The following ZNF385B variants were observed in gnomAD, a reference collection of about 807,000 sequenced individuals.
The protein encoded by ZNF385B is zinc finger protein 385B.
ZNF385B carries 23 observed loss-of-function variants against 39.2 expected under a neutral mutation model. The ratio of observed to expected loss-of-function variants is 0.59; its 90% CI spans 0.42 to 0.83. ZNF385B has a LOEUF of 0.83. Ranked by LOEUF, ZNF385B falls within the 40% of genes least tolerant of loss-of-function variation. The probability of loss-of-function intolerance (pLI) is 0.00; values close to 1 mark genes in which losing one functional copy is unlikely to be tolerated. For missense variants in ZNF385B, 552 were observed against 598.9 expected (o/e 0.92, Z 0.82); for synonymous variants, 205 against 222.6 (o/e 0.92, Z 0.70).
chr2:179,728,086 T>C (rs1460895802), intron 3 of ZNF385B, among the ~76,000 whole-genome samples: 2 of 152,080 alleles, frequency 1.3e-5, no homozygotes, highest in East Asian at 1.9e-4. Context: ...TTTTGTCAGA[T>C]TTGACTCTTT....
chr2:179,581,091 T>C (rs576919231), intron 3 of ZNF385B, among the ~76,000 whole-genome samples: 1 of 152,296 alleles, frequency 6.6e-6, no homozygotes, highest in Admixed American at 6.5e-5. Flanking sequence ...AAATAGATCC[T>C]TAAAGGTGCA....
intron 5 of ZNF385B, among the ~76,000 whole-genome samples, chr2:179,497,464 A>G (rs936440662): frequency 1.3e-5 from 2 of 152,132 alleles, no homozygotes; most frequent in African/African-American, 4.8e-5. Flanking sequence ...TGTTTATGCA[A>G]ATAGAGTTAA....
chr2:179,521,976 T>C (rs887994245), intron 4 of ZNF385B, among the ~76,000 whole-genome samples: 13 of 152,208 alleles, frequency 8.5e-5, no homozygotes, highest in Non-Finnish European at 1.6e-4. Flanking sequence ...CTTCTGCTGT[T>C]TATTATTAAA....
intron 3 of ZNF385B, among the ~76,000 whole-genome samples, chr2:179,679,863 A>C (rs1322248964): frequency 6.6e-6 from 1 of 152,090 alleles, no homozygotes; most frequent in Non-Finnish European, 1.5e-5. Flanking sequence ...TGCCTACCCC[A>C]TCAGTCTAAA....
chr2:179,657,809 C>T (rs1413824065), intron 3 of ZNF385B, among the ~76,000 whole-genome samples: 6 of 152,246 alleles, frequency 3.9e-5, no homozygotes, highest in South Asian at 2.1e-4. Context: ...CCTATTTAAT[C>T]GTTACAGCAA....
chr2:179,443,629 TTCAGTGGC>T (rs1238390460), intron 9 of ZNF385B, among the ~76,000 whole-genome samples, 161 bp from the exon 10 acceptor site: 1 of 152,232 alleles, frequency 6.6e-6, no homozygotes, highest in Non-Finnish European at 1.5e-5. Context: ...CAATGCTGGT[TTCAGTGGC>T]TCATGGCATA....
chr2:179,698,687 G>A (rs1698949404), intron 3 of ZNF385B, among the ~76,000 whole-genome samples: 1 of 152,126 alleles, frequency 6.6e-6, no homozygotes, highest in African/African-American at 2.4e-5. Flanking sequence ...CATAATAAAA[G>A]CACTTTATTC....
chr2:179,524,744 G>T (rs1243296709), intron 4 of ZNF385B, among the ~76,000 whole-genome samples: 1 of 151,944 alleles, frequency 6.6e-6, no homozygotes, highest in African/African-American at 2.4e-5. Context: ...TCAATTGGAG[G>T]CTGGGAAAAG....
chr2:179,781,067 C>T (rs1184550009), intron 1 of ZNF385B, among the ~76,000 whole-genome samples: 2 of 152,164 alleles, frequency 1.3e-5, no homozygotes, highest in African/African-American at 4.8e-5. Flanking sequence ...CTTATTTATT[C>T]TCCCCAATTA....
chr2:179,688,724 T>C (rs1698123190), intron 3 of ZNF385B, among the ~76,000 whole-genome samples: 2 of 152,292 alleles, frequency 1.3e-5, no homozygotes, highest in East Asian at 1.9e-4. Context: ...CAATACATTG[T>C]TATTAATTAT....
intron 3 of ZNF385B, among the ~76,000 whole-genome samples, chr2:179,728,971 A>C (rs1008944019): frequency 8.5e-5 from 13 of 152,092 alleles, no homozygotes; most frequent in Admixed American, 7.9e-4. Flanking sequence ...AAAAAGATTC[A>C]AGTAGATTAT....
At chr2:179,494,931 T>C (rs2056037435) in intron 5 of ZNF385B, among the ~76,000 whole-genome samples, 3 of 152,150 alleles carry the variant, frequency 2.0e-5, no homozygotes, top group Admixed American at 2.0e-4. Flanking sequence ...ATTTATTTTA[T>C]TATTGTGTGG....
chr2:179,542,348 C>A (rs2105899733), intron 4 of ZNF385B, among the ~76,000 whole-genome samples: 1 of 152,230 alleles, frequency 6.6e-6, no homozygotes, highest in Non-Finnish European at 1.5e-5. Flanking sequence ...AAATGCCACA[C>A]ATGTAATACA....
chr2:179,468,383 G>A (rs967528483), intron 6 of ZNF385B, among the ~76,000 whole-genome samples: 1 of 152,158 alleles, frequency 6.6e-6, no homozygotes, highest in Non-Finnish European at 1.5e-5. Flanking sequence ...TTGAAAAACT[G>A]CCCCTTTTCC....
intron 6 of ZNF385B, among the ~76,000 whole-genome samples, chr2:179,466,944 A>AAAAAAG (rs2052100059): frequency 7.2e-6 from 1 of 138,332 alleles, no homozygotes; most frequent in African/African-American, 2.7e-5. Flanking sequence ...AAAAAAAAAA[A>AAAAAAG]GAGAGAGAGA....
chr2:179,693,585 A>T (rs977340615), intron 3 of ZNF385B, among the ~76,000 whole-genome samples: 9 of 152,216 alleles, frequency 5.9e-5, no homozygotes, highest in Non-Finnish European at 1.0e-4. Context: ...ATAACTAATT[A>T]AAAAAATCCA....
At chr2:179,454,884 T>C (rs1574216464) in intron 6 of ZNF385B, among the ~76,000 whole-genome samples, 1 of 152,258 alleles carries the variant, frequency 6.6e-6, no homozygotes, top group African/African-American at 2.4e-5. Context: ...ATTTGGAGTT[T>C]ATAAAGTAAA....
At chr2:179,445,524 A>G in intron 8 of ZNF385B, 26 bp downstream of exon 8, 1 of 1,592,196 alleles carries the variant, frequency 6.3e-7, no homozygotes, top group Non-Finnish European at 8.6e-7. Flanking sequence ...TAAAACAATA[A>G]TGTTTACTAA....
chr2:179,487,350 T>A (rs946840025), intron 5 of ZNF385B, among the ~76,000 whole-genome samples: 1 of 152,248 alleles, frequency 6.6e-6, no homozygotes, highest in Non-Finnish European at 1.5e-5. Flanking sequence ...AAAGACAGAA[T>A]GGCAAGTGCC....
Sources: gnomAD v4.1 joint callset for allele counts (sites outside exome capture counted in the v4.1 genomes callset) on GRCh38, gnomAD v4.1.1 for gene constraint, MANE v1.5 for transcripts, NCBI Gene and HGNC (gene_info 2026-07-23, HGNC 2026-07-21) for gene names.